The following FUS variants were observed in gnomAD, a reference collection of about 807,000 sequenced individuals.
FUS encodes RNA-binding protein FUS.
FUS carries 5 observed loss-of-function variants against 82.7 expected under a neutral mutation model. The observed-to-expected ratio is 0.06, with a 90% CI of 0.03 to 0.13. FUS has a LOEUF of 0.13. Ranked by LOEUF, FUS falls within the 10% of genes least tolerant of loss-of-function variation. The pLI, the probability that FUS is intolerant of heterozygous loss-of-function variation, is 1.00. For missense variants in FUS, 512 were observed against 707.8 expected (o/e 0.72, Z 3.14); for synonymous variants, 281 against 247.4 (o/e 1.14, Z -1.27).
At chr16:31,190,863 G>A in intron 13 of FUS, 21 bp downstream of exon 13, 1 of 1,613,130 alleles carries the variant, frequency 6.2e-7, no homozygotes, top group African/African-American at 1.3e-5. Flanking sequence ...CAGACCTGGT[G>A]CTAGGGAGCT....
chr16:31,194,714 A>G (rs1313707712), downstream of FUS: 4 of 486,206 alleles, frequency 8.2e-6, no homozygotes, highest in South Asian at 4.6e-5. Context: ...CCATCACTTC[A>G]TATCATTAGC....
chr16:31,183,949 G>T lies in FUS; in HGVS notation c.282G>T (p.Gln94His). ...GCTCCCAATCGTCTTACGGGCAGCA[G>T]TCCTCCTACCCTGGCTATGGCCAGC... is the stretch of plus-strand genomic sequence containing the variant. ...SQSSQSSYGQ[Q>H]SSYPGYGQQP... The change falls in exon 4 of 15, where the codon CAG (glutamine) becomes CAT (histidine). Residue 94 changes from glutamine to histidine, a missense_variant. Physicochemically the swap from Gln to His is conservative, Grantham distance 24 (BLOSUM62 0). This residue lies in a region of FUS where 276 missense variants were observed against 303.3 expected (regional missense o/e 0.91). Coordinates refer to ENST00000254108, the MANE Select transcript of FUS (RefSeq NM_004960.4). 2 of 1,613,924 alleles carry T rather than the reference G, an allele frequency of 1.2e-6. No individual in the cohort carries two copies. The highest frequency in any genetic ancestry group is 1.7e-6 in the Non-Finnish European group (2 of 1,179,840).
At chr16:31,188,130 C>T (rs1306250079) in intron 7 of FUS, 195 bp from the exon 8 acceptor site, 1 of 617,082 alleles carries the variant, frequency 1.6e-6, no homozygotes, top group Non-Finnish European at 2.8e-6. Flanking sequence ...TCTTAAGGGG[C>T]CTGCCTAGAA....
chr16:31,186,691 C>G, intron 6 of FUS, 111 bp from the exon 7 acceptor site: 1 of 1,021,976 alleles, frequency 9.8e-7, no homozygotes. Context: ...CCACTTGTAT[C>G]TTTTTCCAAA....
At chr16:31,180,817 G>C (rs1300360626) in intron 1 of FUS, among the ~76,000 whole-genome samples, 1 of 152,218 alleles carries the variant, frequency 6.6e-6, no homozygotes, top group Non-Finnish European at 1.5e-5. Flanking sequence ...GGAGGCTCGG[G>C]ATCGGGGCCG....
intron 1 of FUS, among the ~76,000 whole-genome samples, chr16:31,181,121 G>C (rs2079170324): frequency 6.6e-6 from 1 of 152,098 alleles, no homozygotes; most frequent in African/African-American, 2.4e-5. Context: ...CACCATGTTG[G>C]TCAGGCTGGT....
intron 7 of FUS, chr16:31,187,892 C>G (rs1053723505): frequency 1.5e-5 from 4 of 267,396 alleles, no homozygotes; most frequent in African/African-American, 8.7e-5. Flanking sequence ...GGTTAAGTGT[C>G]TGGTGGTAAA....
chr16:31,186,020 G>C (rs1417537814), intron 6 of FUS: 1 of 238,144 alleles, frequency 4.2e-6, no homozygotes, highest in Non-Finnish European at 8.3e-6. Context: ...AACCGAGTTT[G>C]GAAATGGTAA....
downstream of FUS, chr16:31,193,302 AAAAC>A (rs1277930168): frequency 7.7e-6 from 4 of 518,030 alleles, no homozygotes; most frequent in Non-Finnish European, 1.5e-5. Flanking sequence ...TGGCGTATTA[AAAAC>A]AAAGGATCGT....
At chr16:31,193,291 C>T (rs1029569077), downstream of FUS, 8 of 515,536 alleles carry the variant, frequency 1.6e-5, no homozygotes, top group Non-Finnish European at 3.0e-5. Context: ...GGAGAGTGGT[C>T]TGGCGTATTA....
chr16:31,180,111 C>G, upstream of FUS: 2 of 1,523,202 alleles, frequency 1.3e-6, no homozygotes, highest in South Asian at 2.4e-5. Flanking sequence ...GCGGAGCGTA[C>G]TTAAGCTTCG....
intron 5 of FUS, among the ~76,000 whole-genome samples, chr16:31,184,632 A>G (rs1260124531): frequency 6.6e-6 from 1 of 151,554 alleles, no homozygotes; most frequent in Non-Finnish European, 1.5e-5. Context: ...TTTAGTAGAG[A>G]CGGGGTTTCA....
rs560037428 is a variant in FUS at position 31,185,557 on chromosome 16, G to A, written c.764+378G>A. ...TCCTGGGAAATAGTAGGGAAACTTG[G>A]TATGTGTATTCCCATGTGTCCTCTA... On this transcript the variant is annotated intron_variant, in intron 6 of 14. Transcript: ENST00000254108. 7.3e-6 allele frequency: 4 copies of A among 546,054 alleles called. No individual in the cohort carries two copies. In the East Asian group the frequency reaches 1.2e-4, roughly 16 times the overall value. The allele number at this position is 546,054 out of a possible 1,614,324, so 33.8% of individuals were successfully genotyped here.
At chr16:31,191,779 A>G (rs1343867818), downstream of FUS, 1 of 596,122 alleles carries the variant, frequency 1.7e-6, no homozygotes, top group Non-Finnish European at 3.1e-6. Flanking sequence ...TCATGGGGAA[A>G]GTTGGTGTAT....
chr16:31,185,799 C>CT (rs2079260927), intron 6 of FUS: 1 of 292,406 alleles, frequency 3.4e-6, no homozygotes, highest in African/African-American at 2.1e-5. Context: ...GTTCCACTGT[C>CT]TGCCTTCCCC....
chr16:31,189,846 C>G, intron 10 of FUS, 52 bp downstream of exon 10: 1 of 1,612,668 alleles, frequency 6.2e-7, no homozygotes, highest in Non-Finnish European at 8.5e-7. Flanking sequence ...GGGCAGCAAG[C>G]CTTAGGAAAC....
intron 13 of FUS, 35 bp downstream of exon 13, chr16:31,190,877 A>G: frequency 6.2e-7 from 1 of 1,613,356 alleles, no homozygotes; most frequent in Non-Finnish European, 8.5e-7. Flanking sequence ...GGGAGCTGGG[A>G]CCAAAGAATC....
downstream of FUS, chr16:31,194,610 A>C (rs936101307): frequency 6.1e-6 from 3 of 493,508 alleles, no homozygotes; most frequent in African/African-American, 5.8e-5. Flanking sequence ...CGGCTATGAA[A>C]ATTTTATTTT....
intron 8 of FUS, chr16:31,188,651 C>T (rs2079307904): frequency 3.8e-6 from 2 of 532,778 alleles, no homozygotes; most frequent in African/African-American, 1.9e-5. Flanking sequence ...AGATGGTTTA[C>T]AGCAGTGGTT....
Sources: gnomAD v4.1 joint callset for allele counts (sites outside exome capture counted in the v4.1 genomes callset) on GRCh38, gnomAD v4.1.1 for gene constraint, gnomAD v4.1.1 regional missense constraint, MANE v1.5 for transcripts, NCBI Gene and HGNC (gene_info 2026-07-23, HGNC 2026-07-21) for gene names.